Variants in ANKRD52 observed in about 807,000 individuals in gnomAD.
ANKRD52 encodes the protein ankyrin repeat domain 52, also known as serine/threonine-protein phosphatase 6 regulatory ankyrin repeat subunit C.
Under a neutral mutation model 116.0 loss-of-function variants are expected in ANKRD52, and 7 were observed. The observed-to-expected ratio is 0.06, with a 90% CI of 0.03 to 0.11. The LOEUF (loss-of-function observed/expected upper bound fraction) is 0.11, where lower values mean the gene tolerates loss of function less well. Among genes scored for constraint, ANKRD52 ranks in the 10% least tolerant of loss-of-function variants. The pLI, the probability that ANKRD52 is intolerant of heterozygous loss-of-function variation, is 1.00. For missense variants in ANKRD52, 839 were observed against 1,408.6 expected (o/e 0.60, Z 6.47); for synonymous variants, 528 against 578.1 (o/e 0.91, Z 1.24).
chr12:56,245,661 G>C (rs1871363543), intron 20 of ANKRD52, 65 bp from the exon 21 acceptor site: 3 of 1,484,262 alleles, frequency 2.0e-6, no homozygotes, highest in East Asian at 2.3e-5. Flanking sequence ...CCTGTTGCTG[G>C]AGTCTGGCTC....
At position 56,255,275 on chromosome 12, in the gene ANKRD52, C is replaced by A. The variant is rs1289084865; in HGVS notation, c.463-323G>T. Among the ~76,000 whole-genome samples, 3 of 151,602 alleles carry A rather than the reference C, an allele frequency of 2.0e-5. No individual in the cohort carries two copies. Among genetic ancestry groups the A allele is most frequent in the Admixed American group, 6.6e-5 (1 of 15,224 alleles). On this transcript the variant is annotated intron_variant, in intron 5 of 27. Coordinates refer to ENST00000267116, the MANE Select transcript of ANKRD52 (RefSeq NM_173595.4). The surrounding 1 kb of genome is among the most constrained non-coding windows in gnomAD (Gnocchi z 4.3). ...GCATGATTTCGGCTCATTGCAAGCT[C>A]CGCCTCCCGGGTTCACGCCATTCTC...
chr12:56,256,102 C>A (rs1871940249), intron 4 of ANKRD52, 118 bp from the exon 5 acceptor site: 5 of 1,036,640 alleles, frequency 4.8e-6, no homozygotes, highest in Admixed American at 2.5e-5. Context: ...AGAATCTCTT[C>A]TCATTTTTCC....
intron 15 of ANKRD52, among the ~76,000 whole-genome samples, chr12:56,250,734 T>TAAA (rs60547094): frequency 8.3e-6 from 1 of 120,032 alleles, no homozygotes; most frequent in South Asian, 2.6e-4. Flanking sequence ...ATAAATTAAT[T>TAAA]AAAAAAAAAA....
Position 56,254,318 on chromosome 12 carries a change from A to C in ANKRD52, c.694-39T>G. 1 of 1,594,522 alleles carries C rather than the reference A, an allele frequency of 6.3e-7. No homozygotes were observed. The highest frequency in any genetic ancestry group is 2.2e-5 in the East Asian group (1 of 44,646). On this transcript the variant is annotated intron_variant, in intron 7 of 27. Coordinates refer to ENST00000267116, the MANE Select transcript of ANKRD52 (RefSeq NM_173595.4). The surrounding 1 kb of genome is among the most constrained non-coding windows in gnomAD (Gnocchi z 4.6). ...GGTGAGAGTAAGGTGGTATCAGTTT[A>C]AACAAAGTAGAAGCCAGCACATGTA...
rs1393120770 is a variant in ANKRD52 at position 56,252,418 on chromosome 12, G to A, written c.1370+84C>T. On this transcript the variant is annotated intron_variant, in intron 13 of 27. Coordinates refer to ENST00000267116, the MANE Select transcript of ANKRD52 (RefSeq NM_173595.4). The surrounding 1 kb of genome is among the most constrained non-coding windows in gnomAD (Gnocchi z 4.7). ...GCTTTGTAACATTCTCCTTATTTAA[G>A]TCTCCAATCTAAACCCTTCCTCCCT... 8 of 1,591,164 alleles carry A rather than the reference G, an allele frequency of 5.0e-6. No homozygotes were observed. Among genetic ancestry groups the A allele is most frequent in the Non-Finnish European group, 6.0e-6 (7 of 1,160,160 alleles).
chr12:56,253,231 G>C lies in ANKRD52; in HGVS notation c.1100+57C>G, dbSNP rs138571345. 2.7e-4 allele frequency: 409 copies of C among 1,534,904 alleles called. 3 individuals carry two copies. The African/African-American group carries it at 5.1e-3, about 19-fold the overall frequency. On this transcript the variant is annotated intron_variant, in intron 10 of 27. Coordinates refer to ENST00000267116, the MANE Select transcript of ANKRD52 (RefSeq NM_173595.4). This position sits in a 1 kb window ranked among gnomAD's most constrained non-coding sequence, Gnocchi z 5.5. ...GCTTATCTGTGCCTCCATGGTTGAT[G>C]TGAGCAGTCTGTGCAGATCTGGGCA... is the stretch of plus-strand genomic sequence containing the variant.
chr12:56,241,932 C>T lies in ANKRD52; in HGVS notation c.*1210G>A. 1 of 398,592 alleles carries T rather than the reference C, an allele frequency of 2.5e-6. No homozygotes were observed. Among genetic ancestry groups the T allele is most frequent in the Non-Finnish European group, 4.4e-6 (1 of 226,114 alleles). 24.7% of individuals were successfully genotyped at this position (398,592 alleles called of 1,614,324 possible). ...CCTGCTGGGAAGGCAGGGACCAAGC[C>T]CCAGTACCTATTCATCTCTCTCTAG... On this transcript the variant is annotated 3_prime_UTR_variant, in exon 28 of 28. Transcript: ENST00000267116.
chr12:56,247,780 G>C lies in ANKRD52; in HGVS notation c.1979-6C>G, dbSNP rs1234960340. On this transcript the variant is annotated splice_polypyrimidine_tract_variant and splice_region_variant and intron_variant, in intron 18 of 27. Transcript: ENST00000267116. The stretch of plus-strand genomic sequence containing the variant: ...GTCAGTGTGGCCAGAGGCAGCTAGG[G>C]GAAAGGGACCCCGTGTCAGGGCAGG... 1.2e-6 allele frequency: 2 copies of C among 1,610,706 alleles called. No homozygotes were observed. The highest frequency in any genetic ancestry group is 1.7e-6 in the Non-Finnish European group (2 of 1,178,818).
At position 56,253,512 on chromosome 12, in the gene ANKRD52, C is replaced by A; in HGVS notation, c.986-110G>T. On this transcript the variant is annotated intron_variant, in intron 9 of 27. Transcript: ENST00000267116. The surrounding 1 kb of genome is among the most constrained non-coding windows in gnomAD (Gnocchi z 5.5). ...CTATGTATGCATCAGGTGCCAGGCCCAGGATTCTACATATTTTATCCTGTT... is the reference window on the plus strand; with the variant it reads ...CTATGTATGCATCAGGTGCCAGGCCAAGGATTCTACATATTTTATCCTGTT... 1.0e-6 allele frequency: 1 copy of A among 974,036 alleles called. No homozygotes were observed. The highest frequency in any genetic ancestry group is 1.6e-6 in the Non-Finnish European group (1 of 631,156). The allele number at this position is 974,036 out of a possible 1,614,324, so 60.3% of individuals were successfully genotyped here. A position where few individuals can be genotyped will look rare whatever the true frequency, so the allele number is the denominator to read the frequency against.
chr12:56,256,990 G>C (rs1871984395), intron 4 of ANKRD52, 25 bp downstream of exon 4: 1 of 1,603,970 alleles, frequency 6.2e-7, no homozygotes, highest in Non-Finnish European at 8.5e-7. Context: ...TTTTTGAAAG[G>C]GTAATAGAAG....
intron 4 of ANKRD52, 94 bp from the exon 5 acceptor site, chr12:56,256,078 C>G: frequency 8.1e-7 from 1 of 1,242,118 alleles, no homozygotes; most frequent in African/African-American, 1.5e-5. Flanking sequence ...CATCTACAGC[C>G]CCTTCCCCAG....
Position 56,244,096 on chromosome 12 carries a change from G to C in ANKRD52, c.2843C>G (p.Thr948Ser). The C allele has an allele frequency of 6.2e-7, 1 of 1,613,972 alleles. No homozygotes were observed. The highest frequency in any genetic ancestry group is 8.5e-7 in the Non-Finnish European group (1 of 1,179,900). Reference sequence around the variant, plus strand: ...AGCATTGATAAGGCCAAGGTCTTGGGTTTCTGCCAGGATCATGAGGGCACA... The same window carrying C: ...AGCATTGATAAGGCCAAGGTCTTGGCTTTCTGCCAGGATCATGAGGGCACA... Reference protein sequence around the residue: ...EKCALMILAETQDLGLINATN... With the variant: ...EKCALMILAESQDLGLINATN... Residue 948 changes from threonine to serine, a missense_variant, in exon 26 of 28, where the codon ACC becomes AGC. Physicochemically the swap from Thr to Ser is moderately conservative, Grantham distance 58. This residue lies in a region of ANKRD52 where 552 missense variants were observed against 810.6 expected (regional missense o/e 0.68). Transcript: ENST00000267116. The surrounding 1 kb of genome is among the most constrained non-coding windows in gnomAD (Gnocchi z 4.9).
chr12:56,252,000 C>G lies in ANKRD52; in HGVS notation c.1592+15G>C. On this transcript the variant is annotated intron_variant, in intron 15 of 27. Transcript: ENST00000267116. Reference sequence around the variant, plus strand: ...TTGGGGAAAGCACATCCCAGGGGCCCTCTCTGCTACTCACAAGAAGGCCTC... The same window carrying G: ...TTGGGGAAAGCACATCCCAGGGGCCGTCTCTGCTACTCACAAGAAGGCCTC... The G allele has an allele frequency of 6.2e-7, 1 of 1,611,958 alleles. No individual in the cohort carries two copies. The highest frequency in any genetic ancestry group is 8.5e-7 in the Non-Finnish European group (1 of 1,179,268).
Position 56,237,959 on chromosome 12 carries a change from GGTCATTAATCTGCGGGGAGAACATT to G in ANKRD52, c.*5158_*5182del, listed in dbSNP as rs1870992512. 1 of 456,590 alleles carries G rather than the reference GGTCATTAATCTGCGGGGAGAACATT, an allele frequency of 2.2e-6. No homozygotes were observed. The allele number at this position is 456,590 out of a possible 1,614,324, so 28.3% of individuals were successfully genotyped here. Reference sequence around the variant, plus strand: ...GTGAGTAGGGGCCTGGAGGGTGCAGGGTCATTAATCTGCGGGGAGAACATTGTGCTTTAGCCCAGGGAGGGGAGGG... The same window carrying G: ...GTGAGTAGGGGCCTGGAGGGTGCAGGGTGCTTTAGCCCAGGGAGGGGAGGG... On this transcript the variant is annotated 3_prime_UTR_variant, in exon 28 of 28. Transcript: ENST00000267116.
In ANKRD52 at chr12:56,253,526, T is replaced by C; in HGVS notation, c.986-124A>G. 1.1e-6 allele frequency: 1 copy of C among 937,400 alleles called. No homozygotes were observed. 58.1% of individuals were successfully genotyped at this position (937,400 alleles called of 1,614,324 possible). A position where few individuals can be genotyped will look rare whatever the true frequency, so the allele number is the denominator to read the frequency against. ...GGTGCCAGGCCCAGGATTCTACATATTTTATCCTGTTTCTAGGCCTTAGGA... is the reference window on the plus strand; with the variant it reads ...GGTGCCAGGCCCAGGATTCTACATACTTTATCCTGTTTCTAGGCCTTAGGA... On this transcript the variant is annotated intron_variant, in intron 9 of 27. Transcript: ENST00000267116. This position sits in a 1 kb window ranked among gnomAD's most constrained non-coding sequence, Gnocchi z 5.5.
chr12:56,246,192 A>G (rs768035442), intron 20 of ANKRD52, among the ~76,000 whole-genome samples: 2 of 152,082 alleles, frequency 1.3e-5, no homozygotes, highest in Non-Finnish European at 1.5e-5. Context: ...ACCATGCCCA[A>G]TTAATTTTTG....
Position 56,257,105 on chromosome 12 carries a change from T to C in ANKRD52, c.191-20A>G, listed in dbSNP as rs371365156. Reference sequence around the variant, plus strand: ...TAGCACCTGTGGGGATATAATTTCCTATTTTGATGGAAGGTGGGGAGGAGG... The same window carrying C: ...TAGCACCTGTGGGGATATAATTTCCCATTTTGATGGAAGGTGGGGAGGAGG... On this transcript the variant is annotated intron_variant, in intron 3 of 27. Transcript: ENST00000267116. The C allele has an allele frequency of 1.2e-6, 2 of 1,608,380 alleles. No individual in the cohort carries two copies. The highest frequency in any genetic ancestry group is 2.7e-5 in the African/African-American group (2 of 74,654).
At position 56,243,086 on chromosome 12, in the gene ANKRD52, C is replaced by G; in HGVS notation, c.*56G>C. 6.8e-7 allele frequency: 1 copy of G among 1,473,444 alleles called. No homozygotes were observed. The allele number at this position is 1,473,444 out of a possible 1,614,324, so 91.3% of individuals were successfully genotyped here. A position where few individuals can be genotyped will look rare whatever the true frequency, so the allele number is the denominator to read the frequency against. On this transcript the variant is annotated 3_prime_UTR_variant, in exon 28 of 28. Transcript: ENST00000267116. This position sits in a 1 kb window ranked among gnomAD's most constrained non-coding sequence, Gnocchi z 4.6. ...AGTGCCCTAAATGTTTAGACTTTTT[C>G]TAAATAAATAGAATTAGATATCAAG...
In ANKRD52 at chr12:56,254,994, G is replaced by A. The variant is rs769778496; in HGVS notation, c.463-42C>T. On this transcript the variant is annotated intron_variant, in intron 5 of 27. Coordinates refer to ENST00000267116, the MANE Select transcript of ANKRD52 (RefSeq NM_173595.4). The surrounding 1 kb of genome is among the most constrained non-coding windows in gnomAD (Gnocchi z 4.6). ...AAGACACCTGTTCAGAGCTAGATTC[G>A]TGCCCTCAACCTACCTAAGAGCAGA... 5.0e-5 allele frequency: 80 copies of A among 1,585,282 alleles called. No homozygotes were observed. In the East Asian group the frequency reaches 1.4e-3, roughly 28 times the overall value.
Sources: allele counts gnomAD v4.1 joint callset (sites outside exome capture counted in the v4.1 genomes callset), GRCh38; gene constraint gnomAD v4.1.1; regional missense constraint gnomAD v4.1.1; non-coding constraint Gnocchi (gnomAD v3.1); transcripts MANE v1.5; gene names NCBI Gene and HGNC (gene_info 2026-07-23, HGNC 2026-07-21).